The following OSBPL10 variants were observed in gnomAD, a reference collection of about 807,000 sequenced individuals.
OSBPL10 encodes the protein oxysterol binding protein like 10.
In OSBPL10, 49 loss-of-function variants were observed where a neutral mutation model predicts 81.7. That is an observed-to-expected ratio of 0.60 (90% CI 0.48 to 0.76). The LOEUF (loss-of-function observed/expected upper bound fraction) is 0.76, where lower values mean the gene tolerates loss of function less well. OSBPL10 is among the 30% of genes least tolerant of loss of function. The probability of loss-of-function intolerance (pLI) is 0.00; values close to 1 mark genes in which losing one functional copy is unlikely to be tolerated. For missense variants in OSBPL10, 923 were observed against 987.8 expected (o/e 0.93, Z 0.88); for synonymous variants, 419 against 383.6 (o/e 1.09, Z -1.08).
intron 4 of OSBPL10, among the ~76,000 whole-genome samples, chr3:31,764,017 C>T (rs985166610): frequency 1.3e-5 from 2 of 152,200 alleles, no homozygotes; most frequent in East Asian, 1.9e-4. Flanking sequence ...TTCCTGCACA[C>T]GAACTGCTTA....
chr3:31,923,075 G>A (rs996318314), intron 1 of OSBPL10, among the ~76,000 whole-genome samples: 1 of 152,118 alleles, frequency 6.6e-6, no homozygotes, highest in Non-Finnish European at 1.5e-5. Flanking sequence ...AAGGGGCAAG[G>A]TCCAGGACCA....
chr3:31,807,869 A>G (rs1189849579), intron 4 of OSBPL10, among the ~76,000 whole-genome samples: 1 of 152,240 alleles, frequency 6.6e-6, no homozygotes, highest in Non-Finnish European at 1.5e-5. Flanking sequence ...GAGGCACTGA[A>G]GACTACACAT....
intron 4 of OSBPL10, among the ~76,000 whole-genome samples, chr3:31,755,255 G>A (rs759798024): frequency 2.6e-5 from 4 of 152,170 alleles, no homozygotes; most frequent in Non-Finnish European, 5.9e-5. Flanking sequence ...GGTAGGAGGG[G>A]AGTCTCAGGC....
At chr3:31,873,327 G>A (rs1016650427) in intron 3 of OSBPL10, among the ~76,000 whole-genome samples, 3 of 152,038 alleles carry the variant, frequency 2.0e-5, no homozygotes, top group East Asian at 1.9e-4. Context: ...AAGAGTAGTC[G>A]TTTATTTTAA....
intron 2 of OSBPL10, among the ~76,000 whole-genome samples, chr3:31,995,895 TTAA>T (rs1699086550): frequency 6.6e-6 from 1 of 152,176 alleles, no homozygotes; most frequent in South Asian, 2.1e-4. Context: ...AAAGCCGCTG[TTAA>T]TAACCATCCA....
At chr3:31,703,754 CTAAA>C (rs1695972006) in intron 6 of OSBPL10, 1 of 152,148 alleles carries the variant, frequency 6.6e-6, no homozygotes, top group Non-Finnish European at 1.5e-5. Flanking sequence ...TCAATCAGCT[CTAAA>C]TAACCCCAAT....
intron 4 of OSBPL10, among the ~76,000 whole-genome samples, chr3:31,784,251 A>G (rs916852658): frequency 1.3e-5 from 2 of 151,928 alleles, no homozygotes; most frequent in Non-Finnish European, 2.9e-5. Flanking sequence ...AGTCCCAGCT[A>G]CTCAGGAGGC....
chr3:31,869,502 G>C (rs1701267442), intron 3 of OSBPL10, among the ~76,000 whole-genome samples: 1 of 152,148 alleles, frequency 6.6e-6, no homozygotes. Context: ...AAAAACTGTA[G>C]AATCAGAATC....
rs1700083729 is a variant in OSBPL10, at chr3:31,662,089, G to A, written c.2278C>T (p.Leu760Phe). ...CCACCCCATCAGTGTGCTTTCCAGA[G>A]GGGATTGAAGTATACCCAGCCATCG... ...EGDGWVYFNP[L>F]WKAH The change falls in exon 12 of 12, where the codon CTC becomes TTC. Residue 760 changes from leucine (L) to phenylalanine (F), a missense_variant. Coordinates refer to ENST00000396556, the MANE Select transcript of OSBPL10 (RefSeq NM_017784.5). The A allele has an allele frequency of 1.2e-6, 2 of 1,614,066 alleles. No homozygotes were observed. Among genetic ancestry groups the A allele is most frequent in the Non-Finnish European group, 1.7e-6 (2 of 1,179,980 alleles).
chr3:31,901,288 T>C (rs116381239), intron 1 of OSBPL10, among the ~76,000 whole-genome samples: 130 of 152,354 alleles, frequency 8.5e-4, no homozygotes, highest in African/African-American at 2.8e-3. Flanking sequence ...ATGGCTTCCA[T>C]TGCATTCAAG....
chr3:31,733,854 C>T (rs1382057813), intron 5 of OSBPL10, among the ~76,000 whole-genome samples: 1 of 151,576 alleles, frequency 6.6e-6, no homozygotes, highest in African/African-American at 2.4e-5. Context: ...ACTAAAAATA[C>T]AAAAAATTAG....
intron 1 of OSBPL10, among the ~76,000 whole-genome samples, chr3:31,925,164 A>G (rs759284641): frequency 1.3e-5 from 2 of 152,000 alleles, no homozygotes; most frequent in Admixed American, 6.6e-5. Flanking sequence ...TATAGAACAG[A>G]CTGGAACTTC....
intron 1 of OSBPL10, among the ~76,000 whole-genome samples, chr3:31,976,052 C>T (rs1698688598): frequency 6.6e-6 from 1 of 152,222 alleles, no homozygotes; most frequent in Non-Finnish European, 1.5e-5. Context: ...ATGTTTGGTG[C>T]CAAGTTTTAA....
chr3:31,699,847 C>T (rs926734645), intron 7 of OSBPL10, among the ~76,000 whole-genome samples: 21 of 152,200 alleles, frequency 1.4e-4, no homozygotes, highest in African/African-American at 5.1e-4. Flanking sequence ...GGGACTAGAC[C>T]TTCATCCTTG....
chr3:32,035,082 T>C (rs1699504566), intron 2 of OSBPL10, among the ~76,000 whole-genome samples: 1 of 152,102 alleles, frequency 6.6e-6, no homozygotes, highest in African/African-American at 2.4e-5. Context: ...CACATACAGC[T>C]AGCCACACCA....
chr3:32,011,705 T>G (rs796801073), intron 2 of OSBPL10, among the ~76,000 whole-genome samples: 1 of 152,092 alleles, frequency 6.6e-6, no homozygotes, highest in South Asian at 2.1e-4. Flanking sequence ...AAAGATTAGA[T>G]GAATGGCTAA....
chr3:31,709,713 T>C (rs1696192432), intron 6 of OSBPL10, among the ~76,000 whole-genome samples: 1 of 152,128 alleles, frequency 6.6e-6, no homozygotes, highest in South Asian at 2.1e-4. Context: ...CCAGTATGAA[T>C]ACCAACTGCC....
intron 4 of OSBPL10, among the ~76,000 whole-genome samples, chr3:31,798,245 CA>C (rs1251342081): frequency 5.9e-5 from 9 of 152,038 alleles, no homozygotes; most frequent in African/African-American, 1.9e-4. Flanking sequence ...AGCTGGCCAA[CA>C]TGATGAAACC....
At chr3:31,942,242 T>C (rs879753545) in intron 1 of OSBPL10, among the ~76,000 whole-genome samples, 2 of 151,906 alleles carry the variant, frequency 1.3e-5, no homozygotes, top group Non-Finnish European at 2.9e-5. Context: ...GCCACAAGAA[T>C]GCAATGTATG....
Sources: gnomAD v4.1 joint callset for allele counts (sites outside exome capture counted in the v4.1 genomes callset) on GRCh38, gnomAD v4.1.1 for gene constraint, MANE v1.5 for transcripts, NCBI Gene and HGNC (gene_info 2026-07-23, HGNC 2026-07-21) for gene names.